The following NR2F1-AS1 variants were observed in gnomAD, a reference collection of about 807,000 sequenced individuals.
NR2F1-AS1 encodes NR2F1 antisense RNA 1.
chr5:93,536,119 A>G (rs2149902857), intron 4 of NR2F1-AS1, among the ~76,000 whole-genome samples: 1 of 152,334 alleles, frequency 6.6e-6, no homozygotes, highest in African/African-American at 2.4e-5. Context: ...ATCCACATAC[A>G]AAAATCAGCA....
chr5:93,558,988 G>C (rs891169176), intron 2 of NR2F1-AS1, among the ~76,000 whole-genome samples: 1 of 152,208 alleles, frequency 6.6e-6, no homozygotes, highest in African/African-American at 2.4e-5. Context: ...TCATCTTAAA[G>C]TCACCAGCTG....
chr5:93,540,958 A>G (rs578176247), intron 4 of NR2F1-AS1, among the ~76,000 whole-genome samples: 2 of 152,348 alleles, frequency 1.3e-5, no homozygotes, highest in East Asian at 1.9e-4. Context: ...CTTTTTACTT[A>G]TAACAGTTTA....
At chr5:93,578,071 A>T (rs1443308027) in intron 1 of NR2F1-AS1, among the ~76,000 whole-genome samples, 4 of 152,210 alleles carry the variant, frequency 2.6e-5, no homozygotes, top group Non-Finnish European at 5.9e-5. Flanking sequence ...AAAAGCCCAT[A>T]GAATTAGTGA....
intron 1 of NR2F1-AS1, among the ~76,000 whole-genome samples, chr5:93,563,916 G>C (rs10476581): frequency 1 from 151,611 of 151,746 alleles, 75,738 homozygotes; most frequent in Middle Eastern, 1. Context: ...GCCTGGCTAA[G>C]ACGGTGAAAC....
At position 93,418,416 on chromosome 5, in the gene NR2F1-AS1, G is replaced by A. The variant is rs181441615; in HGVS notation, n.639-22874C>T. Among the ~76,000 whole-genome samples the A allele has an allele frequency of 3.1e-3, 468 of 152,058 alleles. 2 individuals carry two copies. The highest frequency in any genetic ancestry group is 6.0e-3 in the Admixed American group (92 of 15,264). ...ATCCTGGACAACATGGTGAAACCCC[G>A]CCTCTACTAAAAATACAAAAATTAG... On this transcript the variant is annotated intron_variant and non_coding_transcript_variant, in intron 4 of 5. Transcript: ENST00000660523.
intron 4 of NR2F1-AS1, among the ~76,000 whole-genome samples, chr5:93,462,564 G>A (rs911700925): frequency 5.3e-5 from 8 of 152,044 alleles, no homozygotes; most frequent in South Asian, 2.1e-4. Context: ...CTGGGTAACC[G>A]GCAGAAGTTG....
chr5:93,441,204 A>G (rs1749561304), intron 4 of NR2F1-AS1, among the ~76,000 whole-genome samples: 2 of 152,360 alleles, frequency 1.3e-5, no homozygotes, highest in Admixed American at 1.3e-4. Context: ...AGATAGGATG[A>G]CAGCTAAACT....
intron 4 of NR2F1-AS1, among the ~76,000 whole-genome samples, chr5:93,481,583 C>A (rs921028266): frequency 2.0e-5 from 3 of 152,056 alleles, no homozygotes; most frequent in Admixed American, 2.0e-4. Context: ...ACAGAACACT[C>A]TACCAAAAAT....
intron 4 of NR2F1-AS1, among the ~76,000 whole-genome samples, chr5:93,490,637 C>G (rs1253724033): frequency 1.0e-5 from 1 of 98,056 alleles, no homozygotes; most frequent in Non-Finnish European, 2.1e-5. Flanking sequence ...GGTGGTTGTT[C>G]CTGGTAATGG....
chr5:93,451,025 A>G (rs1032187455), intron 4 of NR2F1-AS1, among the ~76,000 whole-genome samples: 1 of 152,002 alleles, frequency 6.6e-6, no homozygotes, highest in Non-Finnish European at 1.5e-5. Context: ...TAGGTCATTA[A>G]TATTCTGTAA....
intron 4 of NR2F1-AS1, among the ~76,000 whole-genome samples, chr5:93,429,320 T>C (rs906177427): frequency 1.3e-5 from 2 of 152,208 alleles, no homozygotes; most frequent in African/African-American, 2.4e-5. Context: ...TGACTTTACA[T>C]TGCAGATTAA....
intron 4 of NR2F1-AS1, among the ~76,000 whole-genome samples, chr5:93,536,273 G>A (rs1751837733): frequency 6.6e-6 from 1 of 152,118 alleles, no homozygotes. Flanking sequence ...ATAAAGCACT[G>A]ATGAAAGAAA....
chr5:93,464,367 C>T (rs1260446671), intron 4 of NR2F1-AS1, among the ~76,000 whole-genome samples: 3 of 152,116 alleles, frequency 2.0e-5, no homozygotes, highest in Non-Finnish European at 2.9e-5. Context: ...ATGTCTTTAT[C>T]AGCAGCATGA....
chr5:93,504,310 C>T (rs924720359), intron 4 of NR2F1-AS1, among the ~76,000 whole-genome samples: 1 of 151,880 alleles, frequency 6.6e-6, no homozygotes, highest in Admixed American at 6.6e-5. Flanking sequence ...CTAAATTTGA[C>T]TAAAGAAGAA....
At chr5:93,526,497 A>T (rs1371627138) in intron 4 of NR2F1-AS1, among the ~76,000 whole-genome samples, 1 of 152,226 alleles carries the variant, frequency 6.6e-6, no homozygotes, top group African/African-American at 2.4e-5. Context: ...TCATTTTATG[A>T]GACCAGGGTC....
intron 2 of NR2F1-AS1, among the ~76,000 whole-genome samples, chr5:93,556,845 G>C (rs73133289): frequency 0.094 from 14,315 of 152,190 alleles, 756 homozygotes; most frequent in Middle Eastern, 0.15. Flanking sequence ...ATAGATTTCT[G>C]TTGAGTCAGT....
chr5:93,557,947 C>T (rs1187359047), intron 2 of NR2F1-AS1, among the ~76,000 whole-genome samples: 1 of 152,100 alleles, frequency 6.6e-6, no homozygotes, highest in Non-Finnish European at 1.5e-5. Flanking sequence ...GGGTACATTC[C>T]ATCTCAAGAA....
chr5:93,582,990 T>A (rs1753147042), upstream of NR2F1-AS1, among the ~76,000 whole-genome samples: 1 of 151,696 alleles, frequency 6.6e-6, no homozygotes, highest in Non-Finnish European at 1.5e-5. Context: ...GGGGAGGGGC[T>A]CTCCAACCAA....
chr5:93,556,928 T>A (rs909756244), intron 2 of NR2F1-AS1, among the ~76,000 whole-genome samples: 3 of 152,216 alleles, frequency 2.0e-5, no homozygotes, highest in African/African-American at 7.2e-5. Context: ...CCATGATTTC[T>A]TTTGCTGAAA....
Sources: allele counts gnomAD v4.1 joint callset (sites outside exome capture counted in the v4.1 genomes callset), GRCh38; gene constraint gnomAD v4.1.1; transcripts MANE v1.5; gene names NCBI Gene and HGNC (gene_info 2026-07-23, HGNC 2026-07-21).